The following TPO variants were observed in gnomAD, a reference collection of about 807,000 sequenced individuals.
The protein encoded by TPO is thyroid peroxidase.
TPO carries 78 observed loss-of-function variants against 96.9 expected under a neutral mutation model. The observed-to-expected ratio is 0.81, with a 90% CI of 0.67 to 0.97. TPO has a LOEUF of 0.97. TPO is among the 50% of genes least tolerant of loss of function. The probability of loss-of-function intolerance (pLI) is 0.00; values close to 1 mark genes in which losing one functional copy is unlikely to be tolerated. For synonymous variants in TPO, 547 were observed against 538.0 expected (o/e 1.02, Z -0.23); for missense variants, 1,252 against 1,274.8 (o/e 0.98, Z 0.27).
Position 1,496,779 on chromosome 2 carries a change from TCAATGA to T in TPO, c.2386+19_2386+24del, listed in dbSNP as rs1672396657. The T allele has an allele frequency of 6.2e-7, 1 of 1,614,058 alleles. No homozygotes were observed. Among genetic ancestry groups the T allele is most frequent in the Admixed American group, 1.7e-5 (1 of 60,004 alleles). On this transcript the variant is annotated intron_variant, in intron 13 of 16. Coordinates refer to ENST00000329066, the MANE Select transcript of TPO (RefSeq NM_001206744.2). ...CCCTCTGCAAAGGTCAGTCCTTTCTTCAATGACAATTACAAAACATCTGAATGTTTC... is the reference window on the plus strand; with the variant it reads ...CCCTCTGCAAAGGTCAGTCCTTTCTTCAATTACAAAACATCTGAATGTTTC...
chr2:1,416,038 G>A (rs1270495888), intron 2 of TPO, among the ~76,000 whole-genome samples: 7 of 152,224 alleles, frequency 4.6e-5, no homozygotes, highest in Admixed American at 6.5e-5. Flanking sequence ...CCAAGGATGG[G>A]CTACTCACCC....
At chr2:1,393,963 G>A (rs79715912) in intron 1 of TPO, among the ~76,000 whole-genome samples, 1,661 of 152,246 alleles carry the variant, frequency 0.011, 42 homozygotes, top group African/African-American at 0.038. Context: ...GAAGTAATTC[G>A]TTGATGTTTA....
chr2:1,487,746 A>C (rs866015429), intron 9 of TPO, 75 bp from the exon 10 acceptor site: 1 of 1,592,916 alleles, frequency 6.3e-7, no homozygotes. Context: ...CTCAAAAAAA[A>C]AAAAAATTGA....
At chr2:1,535,070 A>G (rs1418153232) in intron 15 of TPO, among the ~76,000 whole-genome samples, 1 of 25,192 alleles carries the variant, frequency 4.0e-5, no homozygotes, top group Non-Finnish European at 7.2e-5. Context: ...AATCTCCCCC[A>G]CTCTGTGCAC....
intron 5 of TPO, among the ~76,000 whole-genome samples, chr2:1,449,371 G>T (rs528419537): frequency 1.3e-5 from 2 of 152,136 alleles, no homozygotes; most frequent in South Asian, 4.2e-4. Context: ...CACATTCGTA[G>T]TCACCTTTTT....
At chr2:1,491,530 C>G (rs1431191379) in intron 10 of TPO, among the ~76,000 whole-genome samples, 1 of 152,214 alleles carries the variant, frequency 6.6e-6, no homozygotes, top group Non-Finnish European at 1.5e-5. Context: ...CAGAAACTTT[C>G]TCTCCTCATT....
At chr2:1,537,503 TCCC>T (rs146740419) in intron 15 of TPO, among the ~76,000 whole-genome samples, 23,801 of 56,904 alleles carry the variant, frequency 0.42, 3,651 homozygotes, top group Non-Finnish European at 0.43. Flanking sequence ...CCTCCCCAAA[TCCC>T]CCCAACTCTG....
chr2:1,494,383 C>T lies in TPO; in HGVS notation c.2006+344C>T, dbSNP rs140704023. Among the ~76,000 whole-genome samples the T allele has an allele frequency of 3.4e-3, 514 of 152,346 alleles. 6 individuals are homozygous for T. Among genetic ancestry groups the T allele is most frequent in the African/African-American group, 0.012 (491 of 41,584 alleles). On this transcript the variant is annotated intron_variant, in intron 11 of 16. Transcript: ENST00000329066. ...ATCCCTCACGTCCCATGACAATGCC[C>T]GGGAAAGCGCAGAGGTGGACAGTGA... is the stretch of plus-strand genomic sequence containing the variant.
In TPO at chr2:1,477,481, A is replaced by T; in HGVS notation, c.1215A>T (p.Ala405=). 1.3e-6 allele frequency: 2 copies of T among 1,530,292 alleles called. No homozygotes were observed. Among genetic ancestry groups the T allele is most frequent in the Non-Finnish European group, 1.7e-6 (2 of 1,143,908 alleles). 94.8% of individuals were successfully genotyped at this position (1,530,292 alleles called of 1,614,324 possible). Reference sequence around the variant, plus strand: ...CCAGCGAGGTCCCCTCCCTGACGGCACTGCACACGCTGTGGCTGCGCGAGC... The same window carrying T: ...CCAGCGAGGTCCCCTCCCTGACGGCTCTGCACACGCTGTGGCTGCGCGAGC... The part of the protein sequence containing the change: ...GRASEVPSLT[A]LHTLWLREHN... Residue 405 remains alanine, a synonymous_variant, in exon 8 of 17, where the codon GCA becomes GCT. Transcript: ENST00000329066.
Position 1,453,702 on chromosome 2 carries a change from C to A in TPO, c.491C>A (p.Pro164His), listed in dbSNP as rs146913878. Residue 164 changes from proline (P) to histidine (H), a missense_variant, in exon 6 of 17, where the codon CCC becomes CAC. Pro to His is a moderately conservative substitution (Grantham distance 77). Transcript: ENST00000329066. The part of the protein sequence containing the change: ...ITGACNNRDH[P>H]RWGASNTALA... The stretch of plus-strand genomic sequence containing the variant: ...TGCATTTGTCTCCACAGAGACCACC[C>A]CAGATGGGGCGCCTCCAACACGGCC... 163 of 1,613,872 alleles carry A rather than the reference C, an allele frequency of 1.0e-4. No individual in the cohort carries two copies. The highest frequency in any genetic ancestry group is 1.3e-4 in the Non-Finnish European group (149 of 1,180,060).
intron 8 of TPO, among the ~76,000 whole-genome samples, chr2:1,479,428 G>T (rs1455826665): frequency 6.6e-6 from 1 of 152,180 alleles, no homozygotes; most frequent in South Asian, 2.1e-4. Context: ...TGGAAGTCCT[G>T]CCCCTTCTGT....
chr2:1,465,034 T>A (rs964485556), intron 7 of TPO, among the ~76,000 whole-genome samples: 3 of 152,212 alleles, frequency 2.0e-5, no homozygotes, highest in African/African-American at 4.8e-5. Context: ...TGGTTTCAGG[T>A]CTTAGACTTA....
intron 14 of TPO, among the ~76,000 whole-genome samples, chr2:1,510,566 G>C (rs1174210265): frequency 1.3e-5 from 2 of 152,208 alleles, no homozygotes; most frequent in African/African-American, 4.8e-5. Flanking sequence ...AGAGCACCCA[G>C]AGATGAATTC....
chr2:1,414,534 C>G (rs756515944), intron 2 of TPO, 32 bp downstream of exon 2: 1 of 1,599,424 alleles, frequency 6.3e-7, no homozygotes, highest in South Asian at 1.1e-5. Flanking sequence ...GTCTTCTGGC[C>G]TTATAAAGTT....
intron 15 of TPO, among the ~76,000 whole-genome samples, chr2:1,535,553 A>G (rs1245235547): frequency 1.5e-4 from 6 of 40,858 alleles, no homozygotes; most frequent in African/African-American, 4.7e-4. Context: ...CCAAATCACC[A>G]CATTGTGAGC....
intron 14 of TPO, among the ~76,000 whole-genome samples, chr2:1,514,239 A>G (rs1674454688): frequency 6.6e-6 from 1 of 152,190 alleles, no homozygotes; most frequent in Admixed American, 6.5e-5. Context: ...GGGCCCTGGA[A>G]GGATGGGACA....
intron 15 of TPO, among the ~76,000 whole-genome samples, chr2:1,529,737 TCTC>T (rs1397089857): frequency 5.5e-5 from 1 of 18,108 alleles, no homozygotes; most frequent in African/African-American, 3.1e-4. Context: ...CTGTGAGCAA[TCTC>T]CTCAAATCCC....
chr2:1,489,136 ACCAGCACATGC>A (rs1671458717), intron 10 of TPO, among the ~76,000 whole-genome samples: 1 of 142,608 alleles, frequency 7.0e-6, no homozygotes, highest in Non-Finnish European at 1.5e-5. Context: ...CCCACACATG[ACCAGCACATGC>A]CCAGCACATA....
rs186918758 is a variant in TPO at position 1,374,676 on chromosome 2, G to C, written n.180+274G>C. 3.7e-3 allele frequency among the ~76,000 whole-genome samples: 566 copies of C among 151,196 alleles called. 3 individuals carry two copies. Among genetic ancestry groups the C allele is most frequent in the Admixed American group, 6.1e-3 (93 of 15,186 alleles). ...TTTATTTGAAAAGAACATCACACCA[G>C]AAAACATGAGCCCTGTAATTTATAG... On this transcript the variant is annotated intron_variant and non_coding_transcript_variant, in intron 1 of 5. Coordinates refer to the TPO transcript ENST00000497517.
Sources: gnomAD v4.1 joint callset for allele counts (sites outside exome capture counted in the v4.1 genomes callset) on GRCh38, gnomAD v4.1.1 for gene constraint, MANE v1.5 for transcripts, NCBI Gene and HGNC (gene_info 2026-07-23, HGNC 2026-07-21) for gene names.